SPTBN1: variants seen among roughly 807,000 people sequenced by gnomAD.
The protein encoded by SPTBN1 is spectrin beta, non-erythrocytic 1, also known as spectrin beta chain, non-erythrocytic 1.
SPTBN1 carries 32 observed loss-of-function variants against 266.4 expected under a neutral mutation model. The observed-to-expected ratio is 0.12, with a 90% CI of 0.09 to 0.16. The LOEUF is 0.16. SPTBN1 is among the 10% of genes least tolerant of loss of function. The pLI is 1.00. For synonymous variants in SPTBN1, 1,336 were observed against 1,162.2 expected, an observed-to-expected ratio of 1.15 and a Z score of -3.04; for missense variants, 2,296 against 3,067.1, an observed-to-expected ratio of 0.75 and a Z score of 5.94.
Position 54,646,615 on chromosome 2 carries a change from G to C in SPTBN1, c.4866+140G>C. On this transcript the variant is annotated intron_variant, in intron 23 of 35. Coordinates refer to ENST00000356805, the MANE Select transcript of SPTBN1 (RefSeq NM_003128.3). This position sits in a 1 kb window ranked among gnomAD's most constrained non-coding sequence, Gnocchi z 4.4. ...TTAAGGGGACACCATGTGCATGAAG[G>C]TGTCTGAAATCCAGCTGCTGGTTTC... 9.9e-7 allele frequency: 1 copy of C among 1,008,770 alleles called. No homozygotes were observed. The highest frequency in any genetic ancestry group is 3.6e-5 in the Admixed American group (1 of 27,750). The allele number at this position is 1,008,770 out of a possible 1,614,324, so 62.5% of individuals were successfully genotyped here.
At position 54,476,861 on chromosome 2, in the gene SPTBN1, T is replaced by C. The variant is rs533539078; in HGVS notation, c.-48+20343T>C. On this transcript the variant is annotated intron_variant, in intron 1 of 35. Coordinates refer to ENST00000356805, the MANE Select transcript of SPTBN1 (RefSeq NM_003128.3). ...TAAAAATTAGTTATTACTGGTTACA[T>C]GCCTGTGTTGAATCCATAGGACTTT... Among the ~76,000 whole-genome samples, 376 of 152,356 alleles carry C rather than the reference T, an allele frequency of 2.5e-3. 2 individuals carry two copies. The highest frequency in any genetic ancestry group is 8.7e-3 in the African/African-American group (361 of 41,588).
chr2:54,566,647 G>A (rs528820628), intron 2 of SPTBN1, among the ~76,000 whole-genome samples: 3 of 152,100 alleles, frequency 2.0e-5, no homozygotes, highest in African/African-American at 7.2e-5. Flanking sequence ...CCTGGTCAAC[G>A]TGGTGAAACC....
chr2:54,591,829 C>CA (rs1675703986), intron 2 of SPTBN1, among the ~76,000 whole-genome samples: 1 of 152,224 alleles, frequency 6.6e-6, no homozygotes, highest in South Asian at 2.1e-4. Flanking sequence ...TAACTTGACT[C>CA]ACGCTAACAC....
intron 2 of SPTBN1, among the ~76,000 whole-genome samples, chr2:54,552,487 C>G (rs1434974172): frequency 1.4e-5 from 2 of 147,772 alleles, no homozygotes; most frequent in East Asian, 4.0e-4. Flanking sequence ...GAGATGGAGT[C>G]TCGCTGTCAC....
Position 54,562,094 on chromosome 2 carries a change from G to A in SPTBN1, c.148+35528G>A, listed in dbSNP as rs182209795. Among the ~76,000 whole-genome samples, 3 of 152,128 alleles carry A rather than the reference G, an allele frequency of 2.0e-5. No homozygotes were observed. The East Asian group carries it at 5.8e-4, about 29-fold the overall frequency. On this transcript the variant is annotated intron_variant, in intron 2 of 35. Coordinates refer to ENST00000356805, the MANE Select transcript of SPTBN1 (RefSeq NM_003128.3). ...TTTCCTCAGAATCAGTTCATGTATCGTATAAAGTTGTATTTGATGTTTTTT... is the reference window on the plus strand; with the variant it reads ...TTTCCTCAGAATCAGTTCATGTATCATATAAAGTTGTATTTGATGTTTTTT...
At chr2:54,657,158 T>C (rs946544507) in intron 29 of SPTBN1, among the ~76,000 whole-genome samples, 4 of 152,226 alleles carry the variant, frequency 2.6e-5, no homozygotes, top group African/African-American at 7.2e-5. Context: ...ATGTTGGAAC[T>C]AGTGTTCCAT....
chr2:54,634,311 G>A (rs186598974), intron 17 of SPTBN1, among the ~76,000 whole-genome samples: 19 of 152,298 alleles, frequency 1.2e-4, no homozygotes, highest in South Asian at 6.2e-4. Flanking sequence ...ATGATAAAAC[G>A]TTTCAGCAGC....
rs1558481950 is a variant in SPTBN1, at chr2:54,661,754, G to A, written c.6420+1755G>A. The A allele has an allele frequency of 3.0e-6, 3 of 985,232 alleles. No homozygotes were observed. The African/African-American group carries it at 5.2e-5, about 17-fold the overall frequency. The allele number at this position is 985,232 out of a possible 1,614,324, so 61.0% of individuals were successfully genotyped here. A position where few individuals can be genotyped will look rare whatever the true frequency, so the allele number is the denominator to read the frequency against. The stretch of plus-strand genomic sequence containing the variant: ...TGTTTTCATATATATATGTGTGTGT[G>A]TTTAAATTTTGTATCATCAGGACTG... On this transcript the variant is annotated intron_variant, in intron 32 of 35. Coordinates refer to ENST00000356805, the MANE Select transcript of SPTBN1 (RefSeq NM_003128.3).
At chr2:54,482,103 G>C (rs1668130409) in intron 1 of SPTBN1, among the ~76,000 whole-genome samples, 2 of 152,238 alleles carry the variant, frequency 1.3e-5, no homozygotes, top group East Asian at 3.9e-4. Context: ...CTTAGTTTTT[G>C]GTGTTTGAAG....
Position 54,634,057 on chromosome 2 carries a change from T to C in SPTBN1, c.3767+1289T>C, listed in dbSNP as rs180850583. Among the ~76,000 whole-genome samples the C allele has an allele frequency of 3.3e-3, 507 of 152,360 alleles. 1 individual carries two copies. The highest frequency in any genetic ancestry group is 0.012 in the African/African-American group (485 of 41,588). ...GCAATTGGGCAAAGCATTCATAACC[T>C]AGGGAAAAAGAATTTCCTTTTTTTG... On this transcript the variant is annotated intron_variant, in intron 17 of 35. Transcript: ENST00000356805.
At chr2:54,656,567 A>G (rs576635904) in intron 29 of SPTBN1, among the ~76,000 whole-genome samples, 1 of 152,186 alleles carries the variant, frequency 6.6e-6, no homozygotes, top group Non-Finnish European at 1.5e-5. Context: ...TAGGAATAGC[A>G]TTTCATAATT....
At chr2:54,647,910 C>G (rs1558467162) in intron 24 of SPTBN1, among the ~76,000 whole-genome samples, 1 of 152,314 alleles carries the variant, frequency 6.6e-6, no homozygotes, top group Non-Finnish European at 1.5e-5. Context: ...ATAGCACTTA[C>G]ACTTGGGTTG....
intron 1 of SPTBN1, among the ~76,000 whole-genome samples, chr2:54,474,734 C>T (rs1558757747): frequency 6.6e-6 from 1 of 152,048 alleles, no homozygotes; most frequent in East Asian, 1.9e-4. Context: ...GGAAATACTA[C>T]AAATATTAAG....
chr2:54,618,284 T>A, intron 7 of SPTBN1, 91 bp downstream of exon 7: 1 of 1,121,542 alleles, frequency 8.9e-7, no homozygotes, highest in Non-Finnish European at 1.3e-6. Context: ...TCTGTTTCAT[T>A]TGGGAGTTAT....
At chr2:54,469,490 C>G (rs1693809691) in intron 1 of SPTBN1, among the ~76,000 whole-genome samples, 1 of 152,172 alleles carries the variant, frequency 6.6e-6, no homozygotes, top group African/African-American at 2.4e-5. Context: ...AACTCCTAAC[C>G]TGATGGGAAT....
rs72906422 is a variant in SPTBN1, at chr2:54,670,687, C to T, written c.*2118C>T. 432 of 398,636 alleles carry T rather than the reference C, an allele frequency of 1.1e-3. 2 individuals carry two copies. The highest frequency in any genetic ancestry group is 8.2e-3 in the African/African-American group (402 of 48,744). 24.7% of individuals were successfully genotyped at this position (398,636 alleles called of 1,614,324 possible). On this transcript the variant is annotated 3_prime_UTR_variant, in exon 36 of 36. Coordinates refer to ENST00000356805, the MANE Select transcript of SPTBN1 (RefSeq NM_003128.3). Reference sequence around the variant, plus strand: ...TGGCAATAAGTTCATACCAGCAATCCTGGAGTCCCATAATAAATACGTACA... The same window carrying T: ...TGGCAATAAGTTCATACCAGCAATCTTGGAGTCCCATAATAAATACGTACA...
At chr2:54,655,399 C>T (rs897179976) in intron 28 of SPTBN1, among the ~76,000 whole-genome samples, 191 bp downstream of exon 28, 93 of 152,218 alleles carry the variant, frequency 6.1e-4, no homozygotes, top group African/African-American at 1.9e-3. Context: ...TGGTAAATCT[C>T]TGGCACAGAA....
At chr2:54,492,999 A>ATT (rs1315662412) in intron 1 of SPTBN1, among the ~76,000 whole-genome samples, 1 of 138,332 alleles carries the variant, frequency 7.2e-6, no homozygotes, top group African/African-American at 2.7e-5. Context: ...TAAATAACAT[A>ATT]TCTTTTTTTT....
intron 11 of SPTBN1, 80 bp from the exon 12 acceptor site, chr2:54,625,852 A>G: frequency 6.7e-7 from 1 of 1,483,388 alleles, no homozygotes; most frequent in South Asian, 1.3e-5. Flanking sequence ...CGGCCTCCCA[A>G]AGTGCTGGGA....
Sources: gnomAD v4.1 joint callset for allele counts (sites outside exome capture counted in the v4.1 genomes callset) on GRCh38, gnomAD v4.1.1 for gene constraint, Gnocchi (gnomAD v3.1) non-coding constraint, MANE v1.5 for transcripts, NCBI Gene and HGNC (gene_info 2026-07-23, HGNC 2026-07-21) for gene names.